Variants in PLOD1 observed in about 807,000 individuals in gnomAD.
The protein encoded by PLOD1 is lysine hydroxylase.
PLOD1 carries 70 observed loss-of-function variants against 94.7 expected under a neutral mutation model. The ratio of observed to expected loss-of-function variants is 0.74; its 90% CI spans 0.61 to 0.90. The LOEUF (loss-of-function observed/expected upper bound fraction) is 0.90. Among genes scored for constraint, PLOD1 ranks in the 40% least tolerant of loss-of-function variants. PLOD1 has a pLI of 0.00. For missense variants in PLOD1, 905 were observed against 972.7 expected, an observed-to-expected ratio of 0.93 and a Z score of 0.93; for synonymous variants, 417 against 400.2, an observed-to-expected ratio of 1.04 and a Z score of -0.50.
Position 11,963,449 on chromosome 1 carries a change from A to C in PLOD1, c.1098-83A>C. The C allele has an allele frequency of 1.1e-6, 1 of 891,390 alleles. No individual in the cohort carries two copies. Among genetic ancestry groups the C allele is most frequent in the South Asian group, 1.4e-5 (1 of 70,980 alleles). 55.2% of individuals were successfully genotyped at this position (891,390 alleles called of 1,614,324 possible). On this transcript the variant is annotated intron_variant, in intron 10 of 18. Transcript: ENST00000196061. This position sits in a 1 kb window ranked among gnomAD's most constrained non-coding sequence, Gnocchi z 4.3. ...AAAGCCCCTTGGCTGATATGTGGTGAAGCCAGACTGTGGTCACAGATGTGA... is the reference window on the plus strand; with the variant it reads ...AAAGCCCCTTGGCTGATATGTGGTGCAGCCAGACTGTGGTCACAGATGTGA...
intron 6 of PLOD1, 149 bp downstream of exon 6, chr1:11,955,042 G>C (rs1371903237): frequency 4.6e-6 from 3 of 657,764 alleles, no homozygotes; most frequent in African/African-American, 1.8e-5. Context: ...GTCCCCAGGG[G>C]CCACTTGGAT....
intron 2 of PLOD1, 26 bp from the exon 3 acceptor site, chr1:11,949,747 C>T (rs774534534): frequency 1.2e-6 from 2 of 1,610,610 alleles, no homozygotes; most frequent in East Asian, 2.2e-5. Flanking sequence ...TACCAAAAGC[C>T]CGTGTTAAGG....
chr1:11,970,606 G>T, intron 16 of PLOD1, 64 bp from the exon 17 acceptor site: 4 of 1,482,394 alleles, frequency 2.7e-6, no homozygotes, highest in African/African-American at 1.4e-5. Context: ...TAGGAGAGGG[G>T]AGTAGACAGA....
Position 11,972,929 on chromosome 1 carries a change from A to T in PLOD1, c.1960A>T (p.Met654Leu), listed in dbSNP as rs1085307517. The change falls in exon 18 of 19, where the codon ATG (methionine) becomes TTG (leucine). Residue 654 changes from methionine to leucine, a missense_variant. By Grantham distance (15) the Met-to-Leu change is conservative. Transcript: ENST00000196061. The surrounding 1 kb of genome is among the most constrained non-coding windows in gnomAD (Gnocchi z 4.6). The stretch of plus-strand genomic sequence containing the variant: ...CAAGCCTGATGAGCAGCCCTCACTG[A>T]TGCCACACCATGATGCCTCCACCTT... ...RYKPDEQPSL[M>L]PHHDASTFTI... The T allele has an allele frequency of 1.5e-5, 24 of 1,613,910 alleles. No individual in the cohort carries two copies. The highest frequency in any genetic ancestry group is 2.7e-5 in the African/African-American group (2 of 74,864).
At chr1:11,969,798 CAG>C (rs1645847769) in intron 16 of PLOD1, among the ~76,000 whole-genome samples, 1 of 152,210 alleles carries the variant, frequency 6.6e-6, no homozygotes, top group Non-Finnish European at 1.5e-5. Context: ...CAGCAAGAGA[CAG>C]AATCTCTCTT....
chr1:11,951,805 G>C lies in PLOD1; in HGVS notation c.467-818G>C, dbSNP rs546054237. On this transcript the variant is annotated intron_variant, in intron 4 of 18. Transcript: ENST00000196061. ...GTGGTGGCAGGCGCCTGTAGTCCCAGCTACTCGGGAGGCTGAGGCAGGAGA... is the reference window on the plus strand; with the variant it reads ...GTGGTGGCAGGCGCCTGTAGTCCCACCTACTCGGGAGGCTGAGGCAGGAGA... 4.0e-5 allele frequency among the ~76,000 whole-genome samples: 6 copies of C among 151,726 alleles called. No individual in the cohort carries two copies. In the South Asian group the frequency reaches 1.0e-3, roughly 26 times the overall value.
Position 11,948,015 on chromosome 1 carries a change from A to T in PLOD1, c.116A>T (p.Glu39Val), listed in dbSNP as rs1444060321. 8 of 1,613,926 alleles carry T rather than the reference A, an allele frequency of 5.0e-6. No homozygotes were observed. Among genetic ancestry groups the T allele is most frequent in the Non-Finnish European group, 6.8e-6 (8 of 1,179,830 alleles). Reference protein sequence around the residue: ...LVLTVATKETEGFRRFKRSAQ... With the variant: ...LVLTVATKETVGFRRFKRSAQ... Reference sequence around the variant, plus strand: ...CTCACGGTGGCCACTAAGGAGACCGAGGGATTCCGTCGCTTCAAGCGCTCA... The same window carrying T: ...CTCACGGTGGCCACTAAGGAGACCGTGGGATTCCGTCGCTTCAAGCGCTCA... The change falls in exon 2 of 19, where the codon GAG becomes GTG. Residue 39 changes from glutamate (E) to valine (V), a missense_variant. Transcript: ENST00000196061.
At position 11,965,512 on chromosome 1, in the gene PLOD1, C is replaced by T. The variant is rs994971801; in HGVS notation, c.1503C>T (p.Thr501=). The part of the protein sequence containing the change: ...DVFMFLTNRH[T]LGHLLSLDSY... ...TCATGTTCCTGACCAACCGGCACAC[C>T]CTTGGCCATCTGCTCTCCCTAGACA... Residue 501 remains threonine (T), a synonymous_variant, in exon 14 of 19, where the codon ACC becomes ACT. Coordinates refer to ENST00000196061, the MANE Select transcript of PLOD1 (RefSeq NM_000302.4). 6.2e-7 allele frequency: 1 copy of T among 1,613,422 alleles called. No individual in the cohort carries two copies. Among genetic ancestry groups the T allele is most frequent in the Non-Finnish European group, 8.5e-7 (1 of 1,179,772 alleles).
chr1:11,947,250 C>A (rs867773931), intron 1 of PLOD1, among the ~76,000 whole-genome samples: 1,421 of 139,974 alleles, frequency 0.01, 29 homozygotes, highest in African/African-American at 0.039. Context: ...AAAAAAAAAA[C>A]AAAAACAAAC....
rs1645566983 is a variant in PLOD1 at position 11,934,851 on chromosome 1, G to A, written c.72G>A (p.Pro24=). Residue 24 remains proline, a synonymous_variant, in exon 1 of 19, where the codon CCG becomes CCA. Coordinates refer to ENST00000196061, the MANE Select transcript of PLOD1 (RefSeq NM_000302.4). ...LLAEAKGDAK[P]EDNLLVLTVA... is the part of the protein sequence containing the mutation. ...CCGAAGCGAAGGGCGACGCCAAGCC[G>A]GAGGGTGAGGGAGCGAAGGCCGGGG... 1.3e-6 allele frequency: 2 copies of A among 1,537,550 alleles called. No individual in the cohort carries two copies. The highest frequency in any genetic ancestry group is 1.2e-5 in the South Asian group (1 of 83,398).
In PLOD1 at chr1:11,960,660, G is replaced by A. The variant is rs1332740482; in HGVS notation, c.990G>A (p.Lys330=). 6.2e-7 allele frequency: 1 copy of A among 1,605,604 alleles called. No individual in the cohort carries two copies. Among genetic ancestry groups the A allele is most frequent in the Non-Finnish European group, 8.5e-7 (1 of 1,175,868 alleles). Reference sequence around the variant, plus strand: ...CCCAACCCCAGGAGCAGCACCACAAGGCTCAGGTGGAAGAGTTCCTGGCAC... The same window carrying A: ...CCCAACCCCAGGAGCAGCACCACAAAGCTCAGGTGGAAGAGTTCCTGGCAC... ...LFIHNHEQHH[K]AQVEEFLAQH... Residue 330 remains lysine (K), a synonymous_variant, in exon 10 of 19, where the codon AAG becomes AAA. Transcript: ENST00000196061.
chr1:11,954,593 A>G (rs750318529), intron 5 of PLOD1: 12 of 756,254 alleles, frequency 1.6e-5, no homozygotes, highest in Non-Finnish European at 3.0e-5. Context: ...CTGCATTCTT[A>G]GATTCCTTCC....
Position 11,934,784 on chromosome 1 carries a change from G to A in PLOD1, c.5G>A (p.Arg2Gln). Reference protein sequence around the residue: MRPLLLLALLGW... With the variant: MQPLLLLALLGW... ...ATCGTCCCCCATACCTCGGCCATGC[G>A]GCCCCTGCTGCTACTGGCCCTGCTG... The change falls in exon 1 of 19, where the codon CGG becomes CAG. Residue 2 changes from arginine (R) to glutamine (Q), a missense_variant. By Grantham distance (43) the Arg-to-Gln change is conservative. Transcript: ENST00000196061. 1.3e-6 allele frequency: 2 copies of A among 1,538,130 alleles called. No individual in the cohort carries two copies. The highest frequency in any genetic ancestry group is 1.7e-6 in the Non-Finnish European group (2 of 1,145,466).
chr1:11,954,757 C>T, intron 5 of PLOD1, 73 bp from the exon 6 acceptor site: 1 of 1,128,806 alleles, frequency 8.9e-7, no homozygotes, highest in Non-Finnish European at 1.4e-6. Context: ...AGATTCCCCA[C>T]ACTGGGTGAG....
At chr1:11,941,885 T>C (rs1645617805) in intron 1 of PLOD1, among the ~76,000 whole-genome samples, 1 of 152,202 alleles carries the variant, frequency 6.6e-6, no homozygotes, top group African/African-American at 2.4e-5. Context: ...GGTTTTGCCA[T>C]GTTGGCCAGG....
At position 11,963,519 on chromosome 1, in the gene PLOD1, C is replaced by G. The variant is rs372681138; in HGVS notation, c.1098-13C>G. The G allele has an allele frequency of 1.9e-6, 3 of 1,564,156 alleles. No homozygotes were observed. Among genetic ancestry groups the G allele is most frequent in the South Asian group, 1.2e-5 (1 of 86,162 alleles). On this transcript the variant is annotated splice_polypyrimidine_tract_variant and intron_variant, in intron 10 of 18. Coordinates refer to ENST00000196061, the MANE Select transcript of PLOD1 (RefSeq NM_000302.4). The surrounding 1 kb of genome is among the most constrained non-coding windows in gnomAD (Gnocchi z 4.3). ...GGATCAGGTGCACTGACCCTGTGTCCTCCTCCTTGCAGAGACCTGTGCCGG... is the reference window on the plus strand; with the variant it reads ...GGATCAGGTGCACTGACCCTGTGTCGTCCTCCTTGCAGAGACCTGTGCCGG...
At chr1:11,940,400 C>T (rs1290250298) in intron 1 of PLOD1, among the ~76,000 whole-genome samples, 4 of 152,182 alleles carry the variant, frequency 2.6e-5, no homozygotes, top group African/African-American at 7.2e-5. Flanking sequence ...CACAGCTCCC[C>T]TTTAGGGGAG....
chr1:11,946,067 CTCATT>C (rs1394591287), intron 1 of PLOD1, among the ~76,000 whole-genome samples: 1 of 152,152 alleles, frequency 6.6e-6, no homozygotes, highest in African/African-American at 2.4e-5. Flanking sequence ...CATGCCTGAT[CTCATT>C]TAATTACTCC....
chr1:11,944,944 A>T (rs1645640385), intron 1 of PLOD1, among the ~76,000 whole-genome samples: 1 of 152,214 alleles, frequency 6.6e-6, no homozygotes, highest in Non-Finnish European at 1.5e-5. Context: ...CCAGGTGAGA[A>T]GTGTAAGCTG....
Sources: allele counts gnomAD v4.1 joint callset (sites outside exome capture counted in the v4.1 genomes callset), GRCh38; gene constraint gnomAD v4.1.1; non-coding constraint Gnocchi (gnomAD v3.1); transcripts MANE v1.5; gene names NCBI Gene and HGNC (gene_info 2026-07-23, HGNC 2026-07-21).